The following IGFL2 variants were observed in gnomAD, a reference collection of about 807,000 sequenced individuals.
IGFL2 encodes the protein insulin growth factor-like family member 2.
A neutral mutation model predicts 13.9 loss-of-function variants in IGFL2; 7 were observed. That is an observed-to-expected ratio of 0.51 (90% CI 0.29 to 0.95). The LOEUF is 0.95. Among genes scored for constraint, IGFL2 ranks in the 40% least tolerant of loss-of-function variants. IGFL2 has a pLI of 0.08. For missense variants in IGFL2, 138 were observed against 147.8 expected, an observed-to-expected ratio of 0.93 and a Z score of 0.34; for synonymous variants, 55 against 55.8, an observed-to-expected ratio of 0.99 and a Z score of 0.07.
intron 1 of IGFL2, chr19:46,160,084 C>T (rs1228771813): frequency 5.9e-6 from 2 of 337,432 alleles, no homozygotes; most frequent in Admixed American, 4.4e-5. Context: ...TTCCTCCTTC[C>T]TTATCACCTT....
chr19:46,099,724 C>A, the IGFL2 span, among the ~76,000 whole-genome samples: 3 of 152,172 alleles, frequency 2.0e-5, no homozygotes, highest in Admixed American at 2.0e-4. Flanking sequence ...AACGGGGTTT[C>A]ACCATCTTAT....
the IGFL2 span, among the ~76,000 whole-genome samples, chr19:46,137,927 A>G: frequency 6.6e-6 from 1 of 152,210 alleles, no homozygotes; most frequent in East Asian, 1.9e-4. Context: ...GAATCATTTT[A>G]GTAGATTCTT....
the IGFL2 span, among the ~76,000 whole-genome samples, chr19:46,105,869 C>G: frequency 6.6e-6 from 1 of 152,148 alleles, no homozygotes. Flanking sequence ...AGAATTCTGA[C>G]TGCACAGCCC....
chr19:46,137,388 G>A, the IGFL2 span: 1 of 1,073,914 alleles, frequency 9.3e-7, no homozygotes, highest in South Asian at 1.2e-5. Context: ...AGATATGTTT[G>A]CTGGGACAAC....
chr19:46,097,280 T>C, the IGFL2 span, among the ~76,000 whole-genome samples: 1 of 152,246 alleles, frequency 6.6e-6, no homozygotes, highest in Non-Finnish European at 1.5e-5. Context: ...CCATTTCTTC[T>C]AAATTTTCTA....
At chr19:46,191,298 G>C in the IGFL2 span, among the ~76,000 whole-genome samples, 11 of 152,218 alleles carry the variant, frequency 7.2e-5, no homozygotes, top group South Asian at 2.3e-3. Flanking sequence ...TTTGGGGTTG[G>C]GAGGCCGATG....
At chr19:46,196,763 C>T in the IGFL2 span, 1 of 152,856 alleles carries the variant, frequency 6.5e-6, no homozygotes, top group Non-Finnish European at 1.5e-5. Context: ...CCAGTCAGGA[C>T]AGAGACCCCC....
At chr19:46,202,073 G>A in the IGFL2 span, among the ~76,000 whole-genome samples, 21 of 152,022 alleles carry the variant, frequency 1.4e-4, no homozygotes, top group East Asian at 3.9e-4. Context: ...GGGAGAGGTC[G>A]GATGAGTTCA....
chr19:46,091,470 C>T, the IGFL2 span, among the ~76,000 whole-genome samples: 1 of 152,172 alleles, frequency 6.6e-6, no homozygotes, highest in Non-Finnish European at 1.5e-5. Flanking sequence ...AATCAGTATA[C>T]AAATTATTCT....
chr19:46,096,601 T>C, the IGFL2 span, among the ~76,000 whole-genome samples: 1 of 152,142 alleles, frequency 6.6e-6, no homozygotes, highest in Non-Finnish European at 1.5e-5. Context: ...CTTGTGCCAG[T>C]TTTCGAAGGG....
intron 1 of IGFL2, among the ~76,000 whole-genome samples, chr19:46,149,310 T>G (rs1050899520): frequency 5.3e-5 from 1 of 19,022 alleles, no homozygotes; most frequent in African/African-American, 2.2e-4. Flanking sequence ...CCTCTCCCCC[T>G]CCCCCTCCCC....
At chr19:46,084,398 T>C in the IGFL2 span, among the ~76,000 whole-genome samples, 1 of 152,206 alleles carries the variant, frequency 6.6e-6, no homozygotes, top group Non-Finnish European at 1.5e-5. Flanking sequence ...GGTGTTGAAG[T>C]CCCCTACTAT....
chr19:46,120,831 AATG>A, the IGFL2 span, among the ~76,000 whole-genome samples: 2 of 151,054 alleles, frequency 1.3e-5, no homozygotes, highest in African/African-American at 4.9e-5. Context: ...ACCACAGAAA[AATG>A]AGAAATATTG....
At chr19:46,103,187 A>G in the IGFL2 span, among the ~76,000 whole-genome samples, 1 of 152,132 alleles carries the variant, frequency 6.6e-6, no homozygotes, top group Non-Finnish European at 1.5e-5. Context: ...TGAGTTTTTG[A>G]TGTTGTCATA....
At chr19:46,095,862 A>G in the IGFL2 span, among the ~76,000 whole-genome samples, 1 of 152,022 alleles carries the variant, frequency 6.6e-6, no homozygotes, top group Admixed American at 6.5e-5. Context: ...CTTATTTTTG[A>G]GATCTCTATT....
At position 46,160,945 on chromosome 19, in the gene IGFL2, A is replaced by G; in HGVS notation, c.341+64A>G. ...GAGGTGGAAATGAGGAGGGGAGTCT[A>G]GATGTCTTCATCACTCCTTTTGAAG... On this transcript the variant is annotated intron_variant, in intron 3 of 3. Transcript: ENST00000377693. 2.5e-6 allele frequency: 4 copies of G among 1,586,916 alleles called. No homozygotes were observed. In the South Asian group the frequency reaches 4.4e-5, roughly 18 times the overall value.
At chr19:46,090,243 C>A in the IGFL2 span, among the ~76,000 whole-genome samples, 1 of 152,100 alleles carries the variant, frequency 6.6e-6, no homozygotes, top group Non-Finnish European at 1.5e-5. Flanking sequence ...TTATTCTAGC[C>A]ACTTACTGTT....
At chr19:46,151,758 A>G (rs1973508054) in intron 1 of IGFL2, among the ~76,000 whole-genome samples, 1 of 152,180 alleles carries the variant, frequency 6.6e-6, no homozygotes, top group African/African-American at 2.4e-5. Context: ...CAAAAAATGC[A>G]AAAAATTAGC....
chr19:46,142,400 A>G (rs544635409), upstream of IGFL2, among the ~76,000 whole-genome samples: 10 of 152,348 alleles, frequency 6.6e-5, no homozygotes, highest in Admixed American at 3.3e-4. Flanking sequence ...CAGTCTATCC[A>G]GGGTTTCTAC....
Sources: allele counts gnomAD v4.1 joint callset (sites outside exome capture counted in the v4.1 genomes callset), GRCh38; gene constraint gnomAD v4.1.1; transcripts MANE v1.5; gene names NCBI Gene and HGNC (gene_info 2026-07-23, HGNC 2026-07-21).